Variants in FSD1L observed in about 807,000 individuals in gnomAD.
The protein encoded by FSD1L is fibronectin type III and SPRY domain containing 1 like.
Under a neutral mutation model 71.6 loss-of-function variants are expected in FSD1L, and 45 were observed. The observed-to-expected ratio is 0.63, with a 90% confidence interval of 0.49 to 0.81. The LOEUF (loss-of-function observed/expected upper bound fraction) is 0.81. Among genes scored for constraint, FSD1L ranks in the 30% least tolerant of loss-of-function variants. The pLI, the probability that FSD1L is intolerant of heterozygous loss-of-function variation, is 0.00. For synonymous variants in FSD1L, 197 were observed against 207.2 expected, an observed-to-expected ratio of 0.95 and a Z score of 0.42; for missense variants, 561 against 618.1, an observed-to-expected ratio of 0.91 and a Z score of 0.98.
At chr9:105,523,428 G>T in intron 10 of FSD1L, 1 of 1,604,970 alleles carries the variant, frequency 6.2e-7, no homozygotes, top group Admixed American at 1.7e-5. Context: ...ATGGCATGCT[G>T]ATGTTGCTAC....
At chr9:105,510,272 A>ACT (rs1475609493) in intron 9 of FSD1L, among the ~76,000 whole-genome samples, 1 of 152,144 alleles carries the variant, frequency 6.6e-6, no homozygotes, top group African/African-American at 2.4e-5. Flanking sequence ...CTGAAACTCA[A>ACT]CTCTGAGACC....
chr9:105,461,393 GACT>G (rs935467322), intron 1 of FSD1L, 124 bp from the exon 2 acceptor site: 81 of 443,550 alleles, frequency 1.8e-4, no homozygotes, highest in African/African-American at 1.3e-3. Flanking sequence ...GTTAAATATT[GACT>G]ACATGTTGAA....
chr9:105,522,214 A>T lies in FSD1L; in HGVS notation c.1025+9278A>T. On this transcript the variant is annotated intron_variant, in intron 10 of 13. Coordinates refer to ENST00000481272, the MANE Select transcript of FSD1L (RefSeq NM_001145313.3). ...CTGTCAGTATTGTCATCGTTGACCT[A>T]TTGGGAAGAGTTGGCCACTGAGTGG... 3.1e-6 allele frequency: 5 copies of T among 1,613,898 alleles called. No individual in the cohort carries two copies. In the South Asian group the frequency reaches 5.5e-5, roughly 18 times the overall value.
At chr9:105,513,656 C>G in intron 10 of FSD1L, 5 of 1,509,760 alleles carry the variant, frequency 3.3e-6, no homozygotes, top group Admixed American at 4.1e-5. Context: ...CTGTCTAGTT[C>G]TAGGACTTAG....
intron 5 of FSD1L, among the ~76,000 whole-genome samples, chr9:105,473,701 A>G (rs1405548552): frequency 8.5e-5 from 13 of 152,190 alleles, no homozygotes; most frequent in Admixed American, 8.5e-4. Context: ...AATGCCTTGA[A>G]TCCAGTTGAT....
intron 1 of FSD1L, among the ~76,000 whole-genome samples, chr9:105,449,909 A>T (rs1235441797): frequency 6.6e-6 from 1 of 152,224 alleles, no homozygotes; most frequent in Non-Finnish European, 1.5e-5. Context: ...GTAGCAAAGA[A>T]TTAGCTTCTC....
At chr9:105,463,785 T>C (rs1232440582) in intron 2 of FSD1L, among the ~76,000 whole-genome samples, 1 of 152,246 alleles carries the variant, frequency 6.6e-6, no homozygotes, top group Non-Finnish European at 1.5e-5. Flanking sequence ...ATGTATTATC[T>C]AGTTTCATAT....
intron 7 of FSD1L, among the ~76,000 whole-genome samples, chr9:105,486,661 C>G (rs1832569702): frequency 6.6e-6 from 1 of 152,136 alleles, no homozygotes; most frequent in South Asian, 2.1e-4. Context: ...AGATGTAGAA[C>G]ATTCCTAATA....
At chr9:105,479,971 G>A (rs191216255) in intron 6 of FSD1L, among the ~76,000 whole-genome samples, 6 of 152,178 alleles carry the variant, frequency 3.9e-5, no homozygotes, top group African/African-American at 1.4e-4. Context: ...GTAGAGCCAG[G>A]CTTAAGAAAA....
rs548450831 is a variant in FSD1L at position 105,524,023 on chromosome 9, A to G, written c.1026-10470A>G. ...TGTGAACTGCCTTCTCTTCATCCCA[A>G]CATTCCTGATGTTGCTGTGTCTCAG... is the stretch of plus-strand genomic sequence containing the variant. On this transcript the variant is annotated intron_variant, in intron 10 of 13. Transcript: ENST00000481272. The G allele has an allele frequency of 5.0e-6, 8 of 1,601,706 alleles. No individual in the cohort carries two copies. In the East Asian group the frequency reaches 1.1e-4, roughly 22 times the overall value.
intron 10 of FSD1L, chr9:105,513,738 A>C: frequency 1.3e-6 from 1 of 770,304 alleles, no homozygotes; most frequent in Non-Finnish European, 2.1e-6. Flanking sequence ...CCATTGCGGC[A>C]GCCTTCATAA....
intron 1 of FSD1L, among the ~76,000 whole-genome samples, chr9:105,452,839 A>ATCC (rs1830124141): frequency 6.6e-6 from 1 of 151,798 alleles, no homozygotes; most frequent in Non-Finnish European, 1.5e-5. Flanking sequence ...TGCTCAAGCT[A>ATCC]TCCTCCCAGC....
At chr9:105,477,717 A>T (rs1203630278) in intron 5 of FSD1L, among the ~76,000 whole-genome samples, 2 of 152,236 alleles carry the variant, frequency 1.3e-5, no homozygotes, top group Admixed American at 1.3e-4. Flanking sequence ...GATAGTAATT[A>T]AAAAATCAAT....
At chr9:105,539,430 A>G (rs1270984032) in intron 13 of FSD1L, 79 bp downstream of exon 13, 3 of 502,684 alleles carry the variant, frequency 6.0e-6, no homozygotes, top group Non-Finnish European at 1.0e-5. Context: ...TCTATACTGT[A>G]TATTTGGAGA....
chr9:105,452,673 T>TGCCTGCCTTCCTGCCTTCCTGCCTTCCTG (rs1564073401), intron 1 of FSD1L, among the ~76,000 whole-genome samples: 3 of 79,684 alleles, frequency 3.8e-5, no homozygotes, highest in African/African-American at 1.9e-4. Flanking sequence ...CTGCCTGCCT[T>TGCCTGCCTTCCTGCCTTCCTGCCTTCCTG]CCTTCCTTCC....
chr9:105,469,872 G>C (rs1212133249), intron 4 of FSD1L, among the ~76,000 whole-genome samples: 1 of 152,018 alleles, frequency 6.6e-6, no homozygotes, highest in African/African-American at 2.4e-5. Context: ...TTTCCTCTAT[G>C]TTTTCTTCTA....
At chr9:105,522,089 G>C in intron 10 of FSD1L, 1 of 1,613,204 alleles carries the variant, frequency 6.2e-7, no homozygotes, top group East Asian at 2.2e-5. Context: ...ATATGACCTT[G>C]GCAGGTCGAC....
intron 7 of FSD1L, among the ~76,000 whole-genome samples, chr9:105,490,981 C>T (rs1340706255): frequency 3.3e-5 from 5 of 149,550 alleles, no homozygotes; most frequent in East Asian, 2.0e-4. Context: ...ATTGACTTGG[C>T]GATGTGGGCT....
intron 12 of FSD1L, 139 bp downstream of exon 12, chr9:105,535,457 A>C: frequency 1.1e-6 from 1 of 874,198 alleles, no homozygotes; most frequent in Non-Finnish European, 1.7e-6. Flanking sequence ...TTGCAATCAT[A>C]ATCTCAATTC....
Sources: allele counts gnomAD v4.1 joint callset (sites outside exome capture counted in the v4.1 genomes callset), GRCh38; gene constraint gnomAD v4.1.1; transcripts MANE v1.5; gene names NCBI Gene and HGNC (gene_info 2026-07-23, HGNC 2026-07-21).